CCDC14: variants seen among roughly 807,000 people sequenced by gnomAD.
CCDC14 encodes the protein coiled-coil domain-containing protein 14.
A neutral mutation model predicts 81.4 loss-of-function variants in CCDC14; 71 were observed. That is an observed-to-expected ratio of 0.87 (90% CI 0.72 to 1.06). The LOEUF is 1.06. Ranked by LOEUF, CCDC14 falls within the 50% of genes least tolerant of loss-of-function variation. CCDC14 has a pLI of 0.00. For synonymous variants in CCDC14, 332 were observed against 364.8 expected (o/e 0.91, Z 1.03); for missense variants, 1,046 against 1,047.3 (o/e 1.00, Z 0.02).
intron 8 of CCDC14, among the ~76,000 whole-genome samples, 169 bp from the exon 9 acceptor site, chr3:123,945,159 G>A (rs2036555375): frequency 6.6e-6 from 1 of 151,812 alleles, no homozygotes; most frequent in Non-Finnish European, 1.5e-5. Flanking sequence ...CTTTCATGCT[G>A]CTGGTATTTG....
At chr3:123,905,433 G>C (rs1323005491) in intron 5 of CCDC14, among the ~76,000 whole-genome samples, 1 of 152,088 alleles carries the variant, frequency 6.6e-6, no homozygotes, top group Non-Finnish European at 1.5e-5. Flanking sequence ...GTTGCCTTAC[G>C]GCAGGGCTTG....
chr3:123,910,386 G>C (rs949545469), downstream of CCDC14, among the ~76,000 whole-genome samples: 1 of 151,880 alleles, frequency 6.6e-6, no homozygotes, highest in African/African-American at 2.4e-5. Context: ...ACATTTTAAG[G>C]GACTCACTGA....
intron 12 of CCDC14, among the ~76,000 whole-genome samples, chr3:123,926,333 C>T (rs763434173): frequency 6.6e-6 from 1 of 151,680 alleles, no homozygotes; most frequent in African/African-American, 2.4e-5. Flanking sequence ...CTGTGACAAG[C>T]GGATATATTG....
At position 123,914,093 on chromosome 3, in the gene CCDC14, G is replaced by A; in HGVS notation, c.*686C>T. 1 of 985,392 alleles carries A rather than the reference G, an allele frequency of 1.0e-6. No individual in the cohort carries two copies. The highest frequency in any genetic ancestry group is 5.2e-4 in the Middle Eastern group (1 of 1,914). The allele number at this position is 985,392 out of a possible 1,614,324, so 61.0% of individuals were successfully genotyped here. On this transcript the variant is annotated 3_prime_UTR_variant, in exon 13 of 13. Transcript: ENST00000409697. ...AAACCCACAAATTTCCCCAACTATA[G>A]CTTATCTGTTAGCACTTCTTTATCA...
Position 123,914,825 on chromosome 3 carries a change from A to G in CCDC14, c.2672T>C (p.Ile891Thr). ...CCTTAAAGACTTCTGGAGTCTAGCTATGTTGGCATCTAATGCCGCAAGGCC... is the reference window on the plus strand; with the variant it reads ...CCTTAAAGACTTCTGGAGTCTAGCTGTGTTGGCATCTAATGCCGCAAGGCC... ...RNGLAALDAN[I>T]ARLQKSLRTG... The change falls in exon 13 of 13, where the codon ATA becomes ACA. Residue 891 changes from isoleucine to threonine, a missense_variant. By Grantham distance (89) the Ile-to-Thr change is moderately conservative. Transcript: ENST00000409697. 2 of 1,593,470 alleles carry G rather than the reference A, an allele frequency of 1.3e-6. No individual in the cohort carries two copies. Among genetic ancestry groups the G allele is most frequent in the Non-Finnish European group, 1.7e-6 (2 of 1,169,288 alleles).
At chr3:123,898,983 G>A (rs946083734) in intron 5 of CCDC14, among the ~76,000 whole-genome samples, 2 of 150,168 alleles carry the variant, frequency 1.3e-5, no homozygotes, top group Non-Finnish European at 3.0e-5. Flanking sequence ...GCCTCCCAAA[G>A]TGCTGGGATT....
chr3:123,909,640 A>G (rs2034398464), downstream of CCDC14, among the ~76,000 whole-genome samples: 1 of 152,254 alleles, frequency 6.6e-6, no homozygotes, highest in Non-Finnish European at 1.5e-5. Context: ...CACATAGACC[A>G]ACTACATGTA....
chr3:123,897,947 C>T (rs1014264793), intron 5 of CCDC14, among the ~76,000 whole-genome samples: 3 of 152,132 alleles, frequency 2.0e-5, no homozygotes, highest in Admixed American at 1.3e-4. Flanking sequence ...TATGTAAGAC[C>T]TCTGATGTAT....
intron 2 of CCDC14, 109 bp downstream of exon 2, chr3:123,956,631 G>T: frequency 3.5e-6 from 3 of 858,514 alleles, no homozygotes; most frequent in South Asian, 3.5e-5. Context: ...CTCAGAGCTT[G>T]TGATGGTAGA....
At chr3:123,922,779 C>T (rs1577241765) in intron 12 of CCDC14, among the ~76,000 whole-genome samples, 1 of 152,078 alleles carries the variant, frequency 6.6e-6, no homozygotes, top group East Asian at 1.9e-4. Flanking sequence ...CTAACCAACA[C>T]TTAAAGAACA....
At chr3:123,918,267 T>C (rs959741513) in intron 12 of CCDC14, among the ~76,000 whole-genome samples, 1 of 152,244 alleles carries the variant, frequency 6.6e-6, no homozygotes, top group Non-Finnish European at 1.5e-5. Context: ...AAACACACTG[T>C]ATTTTGACTT....
rs981278073 is a variant in CCDC14 at position 123,901,970 on chromosome 3, A to G, written c.668-4357T>C. Among the ~76,000 whole-genome samples, 4 of 152,332 alleles carry G rather than the reference A, an allele frequency of 2.6e-5. No homozygotes were observed. In the East Asian group the frequency reaches 7.7e-4, roughly 29 times the overall value. ...ATAAAAGTAACAAAAAAAATCACTTAACACCCATCACACTGGCAAACATAA... is the reference window on the plus strand; with the variant it reads ...ATAAAAGTAACAAAAAAAATCACTTGACACCCATCACACTGGCAAACATAA... On this transcript the variant is annotated intron_variant, in intron 5 of 5. Coordinates refer to the CCDC14 transcript ENST00000479903.
downstream of CCDC14, chr3:123,913,406 T>G: frequency 1.0e-6 from 1 of 983,330 alleles, no homozygotes; most frequent in African/African-American, 1.7e-5. Context: ...TATTTGGGAG[T>G]AGACAGATGA....
At chr3:123,895,503 C>T (rs1352630417), downstream of CCDC14, among the ~76,000 whole-genome samples, 1 of 152,178 alleles carries the variant, frequency 6.6e-6, no homozygotes, top group African/African-American at 2.4e-5. Flanking sequence ...GCACAATGGA[C>T]TCACTTGCAG....
chr3:123,961,058 G>A, intron 1 of CCDC14, 86 bp downstream of exon 1: 1 of 1,183,028 alleles, frequency 8.5e-7, no homozygotes, highest in Middle Eastern at 2.8e-4. Flanking sequence ...GTCTTTTTTC[G>A]AGCAGAGTTT....
chr3:123,930,002 T>C (rs528302089), intron 12 of CCDC14, among the ~76,000 whole-genome samples: 1 of 152,344 alleles, frequency 6.6e-6, no homozygotes, highest in East Asian at 1.9e-4. Flanking sequence ...TCTATTACTT[T>C]ATTTTGAATA....
intron 9 of CCDC14, among the ~76,000 whole-genome samples, chr3:123,942,091 G>C (rs2036379135): frequency 6.6e-6 from 1 of 151,860 alleles, no homozygotes; most frequent in Non-Finnish European, 1.5e-5. Context: ...TCCTAACCGA[G>C]ACAGTGTAAA....
rs373704080 is a variant in CCDC14, at chr3:123,946,913, G to A, written c.1091C>T (p.Thr364Ile). The change falls in exon 8 of 13, where the codon ACA (threonine) becomes ATA (isoleucine). Residue 364 changes from threonine (T) to isoleucine (I), a missense_variant. Physicochemically the swap from Thr to Ile is moderately conservative, Grantham distance 89. Transcript: ENST00000409697. ...RKDLNIHVRD[T>I]KTVKDVQKAK... ...CTTCTGTACATCCTTCACTGTTTTTGTATCTCGCACATGTATGTTTAAATC... is the reference window on the plus strand; with the variant it reads ...CTTCTGTACATCCTTCACTGTTTTTATATCTCGCACATGTATGTTTAAATC... 1 of 1,613,676 alleles carries A rather than the reference G, an allele frequency of 6.2e-7. No individual in the cohort carries two copies. The highest frequency in any genetic ancestry group is 1.3e-5 in the African/African-American group (1 of 74,880).
At chr3:123,946,132 A>AT (rs200227842) in intron 8 of CCDC14, among the ~76,000 whole-genome samples, 16,534 of 145,326 alleles carry the variant, frequency 0.11, 2,021 homozygotes, top group East Asian at 0.43. Flanking sequence ...GCATTTTAAG[A>AT]TTTTTTTTTT....
Sources: allele counts gnomAD v4.1 joint callset (sites outside exome capture counted in the v4.1 genomes callset), GRCh38; gene constraint gnomAD v4.1.1; transcripts MANE v1.5; gene names NCBI Gene and HGNC (gene_info 2026-07-23, HGNC 2026-07-21).